The following SEM1 variants were observed in gnomAD, a reference collection of about 807,000 sequenced individuals.
The protein encoded by SEM1 is SEM1 26S proteasome subunit, also known as 26S proteasome complex subunit SEM1.
In SEM1, 3 loss-of-function variants were observed where a neutral mutation model predicts 12.7. The observed-to-expected ratio is 0.24, with a 90% CI of 0.11 to 0.61. The LOEUF is 0.61. Among genes scored for constraint, SEM1 ranks in the 20% least tolerant of loss-of-function variants. The pLI, the probability that SEM1 is intolerant of heterozygous loss-of-function variation, is 0.88. For missense variants in SEM1, 59 were observed against 81.3 expected, an observed-to-expected ratio of 0.73 and a Z score of 1.06; for synonymous variants, 30 against 27.8, an observed-to-expected ratio of 1.08 and a Z score of -0.25.
rs954632599 is a variant in SEM1 at position 96,640,609 on chromosome 7, A to G, written c.171-17966T>C. Among the ~76,000 whole-genome samples, 1 of 151,956 alleles carries G rather than the reference A, an allele frequency of 6.6e-6. No individual in the cohort carries two copies. The highest frequency in any genetic ancestry group is 2.4e-5 in the African/African-American group (1 of 41,398). ...AATAGGTGGAGAACAGAGGATTTTT[A>G]GGGAAGTGAAAATACTCTGTAAGAT... On this transcript the variant is annotated intron_variant, in intron 2 of 2. Transcript: ENST00000417009. This position sits in a 1 kb window ranked among gnomAD's most constrained non-coding sequence, Gnocchi z 4.0.
intron 2 of SEM1, among the ~76,000 whole-genome samples, chr7:96,588,758 C>G (rs1210044715): frequency 6.6e-6 from 1 of 151,364 alleles, no homozygotes; most frequent in African/African-American, 2.4e-5. Context: ...AGAGCAAGAC[C>G]CTGTCTCAAA....
At chr7:96,660,524 C>T (rs1788966917) in intron 2 of SEM1, among the ~76,000 whole-genome samples, 1 of 152,070 alleles carries the variant, frequency 6.6e-6, no homozygotes, top group South Asian at 2.1e-4. Flanking sequence ...AAAGCAAAAA[C>T]CCCTTATGCT....
chr7:96,612,086 A>C (rs989001615), intron 2 of SEM1, among the ~76,000 whole-genome samples: 2 of 152,194 alleles, frequency 1.3e-5, no homozygotes, highest in African/African-American at 4.8e-5. Flanking sequence ...AGTACTAATA[A>C]GCATTATTGC....
chr7:96,548,753 C>G (rs1805178030), intron 2 of SEM1, among the ~76,000 whole-genome samples: 1 of 152,158 alleles, frequency 6.6e-6, no homozygotes, highest in African/African-American at 2.4e-5. Context: ...ATTAAAGTAT[C>G]TGTAGCGAGT....
chr7:96,688,536 T>C (rs565858026), downstream of SEM1: 1 of 155,666 alleles, frequency 6.4e-6, no homozygotes, highest in African/African-American at 2.4e-5. Flanking sequence ...AAATTCCTTA[T>C]AAAATAGAAG....
At chr7:96,521,793 T>C (rs1385161208) in intron 2 of SEM1, among the ~76,000 whole-genome samples, 1 of 152,144 alleles carries the variant, frequency 6.6e-6, no homozygotes, top group East Asian at 1.9e-4. Flanking sequence ...GACTAAGTTT[T>C]TCCATTTCAC....
At chr7:96,538,698 T>C (rs1352191925) in intron 2 of SEM1, among the ~76,000 whole-genome samples, 1 of 151,796 alleles carries the variant, frequency 6.6e-6, no homozygotes, top group Non-Finnish European at 1.5e-5. Context: ...TGTTTAGGCA[T>C]GTGTCTCTGA....
At chr7:96,708,582 A>C (rs1419961825) in intron 1 of SEM1, among the ~76,000 whole-genome samples, 1 of 152,140 alleles carries the variant, frequency 6.6e-6, no homozygotes, top group Non-Finnish European at 1.5e-5. Flanking sequence ...TACAAATCCT[A>C]CTCATCAACC....
At chr7:96,663,016 T>G (rs1298298461) in intron 2 of SEM1, among the ~76,000 whole-genome samples, 1 of 152,184 alleles carries the variant, frequency 6.6e-6, no homozygotes, top group Non-Finnish European at 1.5e-5. Flanking sequence ...TAAGGAATCA[T>G]TAATTTTATT....
At chr7:96,632,126 C>T (rs997571517) in intron 2 of SEM1, among the ~76,000 whole-genome samples, 2 of 152,298 alleles carry the variant, frequency 1.3e-5, no homozygotes, top group Middle Eastern at 3.4e-3. Context: ...TTAGTTCAAC[C>T]ATTGTGGAAG....
Position 96,640,469 on chromosome 7 carries a change from A to C in SEM1, c.171-17826T>G, listed in dbSNP as rs1808558503. ...GCATATTACCAAGTGAAGGAAGCTC[A>C]TCTGAAAATGCCACATACTGTATGA... On this transcript the variant is annotated intron_variant, in intron 2 of 2. Transcript: ENST00000417009. The surrounding 1 kb of genome is among the most constrained non-coding windows in gnomAD (Gnocchi z 4.0). Among the ~76,000 whole-genome samples, 1 of 152,078 alleles carries C rather than the reference A, an allele frequency of 6.6e-6. No homozygotes were observed. The highest frequency in any genetic ancestry group is 2.1e-4 in the South Asian group (1 of 4,828).
chr7:96,656,229 G>A (rs1024974665), intron 2 of SEM1, among the ~76,000 whole-genome samples: 2 of 152,150 alleles, frequency 1.3e-5, no homozygotes, highest in East Asian at 1.9e-4. Flanking sequence ...TCTGGTGTCC[G>A]TTTCTGGCTT....
intron 1 of SEM1, among the ~76,000 whole-genome samples, chr7:96,705,355 C>T (rs1790416896): frequency 1.5e-5 from 1 of 68,428 alleles, no homozygotes; most frequent in Non-Finnish European, 2.8e-5. Context: ...AAAAGCTTCT[C>T]TCTCAAAAAA....
At chr7:96,623,440 T>A (rs892257326) in intron 2 of SEM1, among the ~76,000 whole-genome samples, 2 of 147,588 alleles carry the variant, frequency 1.4e-5, no homozygotes, top group South Asian at 4.2e-4. Context: ...CTCTATATAT[T>A]TAAATTATAT....
downstream of SEM1, chr7:96,621,580 C>G (rs1807894196): frequency 6.6e-6 from 1 of 152,154 alleles, no homozygotes; most frequent in Non-Finnish European, 1.5e-5. Flanking sequence ...ACCCTCTTTT[C>G]TATTCAGTGC....
At chr7:96,681,283 T>C (rs62470380) in intron 2 of SEM1, among the ~76,000 whole-genome samples, 13,516 of 152,142 alleles carry the variant, frequency 0.089, 756 homozygotes, top group East Asian at 0.15. Flanking sequence ...AATGGTGACA[T>C]GATCTAAATT....
chr7:96,587,313 C>T (rs888620149), intron 2 of SEM1, among the ~76,000 whole-genome samples: 1 of 152,138 alleles, frequency 6.6e-6, no homozygotes, highest in African/African-American at 2.4e-5. Context: ...GCACTAATTT[C>T]CATAGATCTC....
At chr7:96,664,966 TCTTTA>T (rs1789130814) in intron 2 of SEM1, among the ~76,000 whole-genome samples, 1 of 152,168 alleles carries the variant, frequency 6.6e-6, no homozygotes, top group Non-Finnish European at 1.5e-5. Context: ...TTCTGTGTCC[TCTTTA>T]CTTGTTTTCA....
At chr7:96,603,365 G>A (rs1212220294) in intron 2 of SEM1, among the ~76,000 whole-genome samples, 1 of 152,144 alleles carries the variant, frequency 6.6e-6, no homozygotes, top group Non-Finnish European at 1.5e-5. Flanking sequence ...TTGCAGTCAA[G>A]GTTTATGATC....
Sources: allele counts gnomAD v4.1 joint callset (sites outside exome capture counted in the v4.1 genomes callset), GRCh38; gene constraint gnomAD v4.1.1; non-coding constraint Gnocchi (gnomAD v3.1); transcripts MANE v1.5; gene names NCBI Gene and HGNC (gene_info 2026-07-23, HGNC 2026-07-21).